UBE3D: variants seen among roughly 807,000 people sequenced by gnomAD.
UBE3D encodes E3 ubiquitin-protein ligase E3D.
A neutral mutation model predicts 49.6 loss-of-function variants in UBE3D; 48 were observed. The ratio of observed to expected loss-of-function variants is 0.97; its 90% CI spans 0.77 to 1.23. UBE3D has a LOEUF of 1.23. Ranked by LOEUF, UBE3D falls within the 50% of genes most tolerant of loss-of-function variation. UBE3D has a pLI of 0.00. For missense variants in UBE3D, 452 were observed against 468.4 expected (o/e 0.96, Z 0.32); for synonymous variants, 189 against 174.2 (o/e 1.08, Z -0.67).
chr6:82,980,204 A>G (rs1045464214), intron 8 of UBE3D, among the ~76,000 whole-genome samples: 2 of 152,128 alleles, frequency 1.3e-5, no homozygotes, highest in African/African-American at 4.8e-5. Context: ...ATTCCTGCCA[A>G]CATTGTGCAA....
intron 9 of UBE3D, among the ~76,000 whole-genome samples, chr6:82,908,131 T>C (rs748818342): frequency 6.6e-6 from 1 of 152,256 alleles, no homozygotes; most frequent in East Asian, 1.9e-4. Flanking sequence ...AGTGCAAATA[T>C]AGACAAAATG....
At chr6:82,968,480 T>C (rs1016413776) in intron 8 of UBE3D, among the ~76,000 whole-genome samples, 5 of 152,194 alleles carry the variant, frequency 3.3e-5, no homozygotes, top group African/African-American at 1.2e-4. Flanking sequence ...TCTCCCAGTT[T>C]TCTTTTCCTG....
chr6:82,998,537 T>C (rs980532600), intron 8 of UBE3D, among the ~76,000 whole-genome samples: 1 of 152,230 alleles, frequency 6.6e-6, no homozygotes, highest in African/African-American at 2.4e-5. Context: ...GAAGGAAATT[T>C]AACTCAGGGC....
intron 5 of UBE3D, chr6:83,037,908 TC>T (rs1278462864): frequency 6.6e-6 from 1 of 152,062 alleles, no homozygotes; most frequent in African/African-American, 2.4e-5. Flanking sequence ...ACAGGTCCTC[TC>T]CCATCCCCAG....
chr6:82,885,480 C>G, the UBE3D span, among the ~76,000 whole-genome samples: 1 of 152,140 alleles, frequency 6.6e-6, no homozygotes, highest in South Asian at 2.1e-4. Context: ...TGCATTAACC[C>G]ATTTAATGCT....
chr6:82,995,243 T>G (rs1220317215), intron 8 of UBE3D, among the ~76,000 whole-genome samples: 1 of 152,182 alleles, frequency 6.6e-6, no homozygotes, highest in Non-Finnish European at 1.5e-5. Context: ...ATGATTTTGC[T>G]TAACAGGTGT....
At chr6:82,945,029 C>T (rs1222260087) in intron 9 of UBE3D, among the ~76,000 whole-genome samples, 9 of 152,172 alleles carry the variant, frequency 5.9e-5, no homozygotes, top group Non-Finnish European at 1.0e-4. Context: ...ACCCAGTGGC[C>T]GGAGGAAATT....
chr6:82,935,562 G>A (rs962713388), intron 9 of UBE3D, among the ~76,000 whole-genome samples: 2 of 152,174 alleles, frequency 1.3e-5, no homozygotes, highest in East Asian at 3.8e-4. Flanking sequence ...GTTCTTACAT[G>A]TATTCTGAGT....
intron 8 of UBE3D, among the ~76,000 whole-genome samples, chr6:82,963,573 G>C (rs12191639): frequency 2.6e-5 from 4 of 152,022 alleles, no homozygotes; most frequent in Non-Finnish European, 5.9e-5. Context: ...GAAGCATCTA[G>C]CATGGGAGAA....
intron 9 of UBE3D, among the ~76,000 whole-genome samples, chr6:82,894,462 C>T (rs1771166861): frequency 6.6e-6 from 1 of 152,086 alleles, no homozygotes; most frequent in Admixed American, 6.6e-5. Context: ...CAGACCCCTC[C>T]CACCCATACC....
intron 5 of UBE3D, among the ~76,000 whole-genome samples, chr6:83,028,927 A>G (rs1443927840): frequency 6.6e-6 from 1 of 152,114 alleles, no homozygotes; most frequent in Non-Finnish European, 1.5e-5. Flanking sequence ...AGCACTTCAC[A>G]TATCTTATTT....
At chr6:82,891,678 G>A (rs1222252849), downstream of UBE3D, among the ~76,000 whole-genome samples, 1 of 152,168 alleles carries the variant, frequency 6.6e-6, no homozygotes, top group Non-Finnish European at 1.5e-5. Context: ...CTACCAGGAA[G>A]AAGAAATCAT....
At chr6:82,908,989 A>G (rs1772306089) in intron 9 of UBE3D, among the ~76,000 whole-genome samples, 1 of 152,142 alleles carries the variant, frequency 6.6e-6, no homozygotes, top group Non-Finnish European at 1.5e-5. Flanking sequence ...GTAGTGCCAC[A>G]CTTTTCCTGG....
Position 83,022,646 on chromosome 6 carries a change from CCTAAAAGGCAGA to C in UBE3D, c.738-97_738-86del, listed in dbSNP as rs937152021. The C allele has an allele frequency of 8.8e-6, 8 of 905,232 alleles. No homozygotes were observed. The African/African-American group carries it at 1.4e-4, about 16-fold the overall frequency. The allele number at this position is 905,232 out of a possible 1,614,324, so 56.1% of individuals were successfully genotyped here. A position where few individuals can be genotyped will look rare whatever the true frequency, so the allele number is the denominator to read the frequency against. On this transcript the variant is annotated intron_variant, in intron 6 of 9. Coordinates refer to ENST00000369747, the MANE Select transcript of UBE3D (RefSeq NM_198920.3). ...ATAAGCAAAAAATACACACACGGTACCTAAAAGGCAGACATATCCACATGCCAGACTTTTCTA... is the reference window on the plus strand; with the variant it reads ...ATAAGCAAAAAATACACACACGGTACCATATCCACATGCCAGACTTTTCTA...
At chr6:83,005,446 GA>G (rs1458429278) in intron 8 of UBE3D, among the ~76,000 whole-genome samples, 15 of 151,980 alleles carry the variant, frequency 9.9e-5, no homozygotes, top group Non-Finnish European at 2.9e-5. Flanking sequence ...ATTAAAAATA[GA>G]ACTATCATAT....
At chr6:83,015,002 C>T (rs574407683) in intron 8 of UBE3D, among the ~76,000 whole-genome samples, 1 of 152,186 alleles carries the variant, frequency 6.6e-6, no homozygotes, top group Admixed American at 6.5e-5. Context: ...ATTCTGATTG[C>T]TGCTTTGCCT....
chr6:83,038,752 A>G (rs1582714146), intron 4 of UBE3D, among the ~76,000 whole-genome samples: 1 of 152,244 alleles, frequency 6.6e-6, no homozygotes, highest in African/African-American at 2.4e-5. Context: ...TTGAATAAGT[A>G]GTACCTTATA....
chr6:83,046,032 G>A (rs186926976), intron 3 of UBE3D, among the ~76,000 whole-genome samples: 1 of 152,220 alleles, frequency 6.6e-6, no homozygotes, highest in Admixed American at 6.5e-5. Context: ...TTTGGGGAAA[G>A]AATCTCACAG....
At chr6:82,977,113 C>CAAAAAAAAAAAAAAAAAAAAAA (rs58424434) in intron 8 of UBE3D, among the ~76,000 whole-genome samples, 2 of 42,572 alleles carry the variant, frequency 4.7e-5, no homozygotes, top group African/African-American at 1.1e-4. Flanking sequence ...GACTCCATCT[C>CAAAAAAAAAAAAAAAAAAAAAA]AAAAAAAAAA....
Sources: gnomAD v4.1 joint callset for allele counts (sites outside exome capture counted in the v4.1 genomes callset) on GRCh38, gnomAD v4.1.1 for gene constraint, MANE v1.5 for transcripts, NCBI Gene and HGNC (gene_info 2026-07-23, HGNC 2026-07-21) for gene names.